The following TRIP12 variants were observed in gnomAD, a reference collection of about 807,000 sequenced individuals.
TRIP12 encodes the protein thyroid hormone receptor interactor 12.
In TRIP12, 25 loss-of-function variants were observed where a neutral mutation model predicts 244.2. The ratio of observed to expected loss-of-function variants is 0.10; its 90% CI spans 0.07 to 0.14. The LOEUF (loss-of-function observed/expected upper bound fraction) is 0.14, where lower values mean the gene tolerates loss of function less well. Among genes scored for constraint, TRIP12 ranks in the 10% least tolerant of loss-of-function variants. The pLI is 1.00. For missense variants in TRIP12, 1,677 were observed against 2,486.4 expected (o/e 0.67, Z 6.92); for synonymous variants, 905 against 873.1 (o/e 1.04, Z -0.64).
chr2:229,791,988 G>A lies in TRIP12; in HGVS notation c.4293C>T (p.Asn1431=). The change falls in exon 29 of 42, where the codon AAC becomes AAT. Residue 1431 remains asparagine (N), a synonymous_variant. Coordinates refer to ENST00000675903, the MANE Select transcript of TRIP12 (RefSeq NM_001348323.3). Reference sequence around the variant, plus strand: ...GCCGTACTGCCTGATACACAGTCATGTTATACGGCAGCAAATGTTCTCCAA... The same window carrying A: ...GCCGTACTGCCTGATACACAGTCATATTATACGGCAGCAAATGTTCTCCAA... ...FYIGEHLLPY[N]MTVYQAVRQF... The A allele has an allele frequency of 7.4e-6, 12 of 1,614,132 alleles. No individual in the cohort carries two copies. The highest frequency in any genetic ancestry group is 1.0e-5 in the Non-Finnish European group (12 of 1,180,006).
rs1287601675 is a variant in TRIP12, at chr2:229,859,003, G to T, written c.796C>A (p.Gln266Lys). The change falls in exon 4 of 42, where the codon CAA becomes AAA. Residue 266 changes from glutamine to lysine, a missense_variant. By Grantham distance (53) the Gln-to-Lys change is moderately conservative. Around this residue, in one of 11 missense-constraint regions of TRIP12, gnomAD observed 387 missense variants for 392.6 expected, o/e 0.99. Transcript: ENST00000675903. ...CTGGCCTTGTTCTGATCTTTTCCTT[G>T]TTTCACTCTGGCACCTGGTGGTACA... Reference protein sequence around the residue: ...STVPPGARVKQGKDQNKARRS... With the variant: ...STVPPGARVKKGKDQNKARRS... The T allele has an allele frequency of 4.3e-6, 7 of 1,614,038 alleles. No individual in the cohort carries two copies. Among genetic ancestry groups the T allele is most frequent in the African/African-American group, 1.3e-5 (1 of 74,906 alleles).
intron 1 of TRIP12, among the ~76,000 whole-genome samples, chr2:229,902,431 CAACA>C (rs2071222873): frequency 6.6e-6 from 1 of 152,118 alleles, no homozygotes; most frequent in South Asian, 2.1e-4. Flanking sequence ...TATGAATAGG[CAACA>C]AACCACAGCA....
At chr2:229,919,193 C>T (rs2076041979) in intron 1 of TRIP12, among the ~76,000 whole-genome samples, 1 of 152,184 alleles carries the variant, frequency 6.6e-6, no homozygotes, top group Non-Finnish European at 1.5e-5. Context: ...GCAGGCGGAT[C>T]ACCTGAGAGG....
intron 1 of TRIP12, among the ~76,000 whole-genome samples, chr2:229,903,210 G>A (rs2071580647): frequency 1.3e-5 from 2 of 152,110 alleles, no homozygotes; most frequent in African/African-American, 4.8e-5. Context: ...CAGCCATTCA[G>A]TAACCGTGAG....
At chr2:229,896,534 C>G (rs907540516) in intron 1 of TRIP12, among the ~76,000 whole-genome samples, 5 of 152,108 alleles carry the variant, frequency 3.3e-5, no homozygotes, top group African/African-American at 1.2e-4. Context: ...ATCGCTTGAA[C>G]CTGGGAGGTG....
chr2:229,777,204 T>C (rs1259972238), intron 37 of TRIP12, 111 bp downstream of exon 37: 3 of 1,240,286 alleles, frequency 2.4e-6, no homozygotes, highest in East Asian at 2.4e-5. Flanking sequence ...ATTAAAATCT[T>C]CTAAAATAAA....
chr2:229,779,557 C>T (rs998755398), intron 34 of TRIP12, among the ~76,000 whole-genome samples: 17 of 152,154 alleles, frequency 1.1e-4, no homozygotes, highest in African/African-American at 4.1e-4. Flanking sequence ...ACACAGTAGC[C>T]ATTTAATAGA....
In TRIP12 at chr2:229,859,074, G is replaced by A. The variant is rs368421747; in HGVS notation, c.725C>T (p.Ala242Val). The change falls in exon 4 of 42, where the codon GCC becomes GTC. Residue 242 changes from alanine to valine, a missense_variant. Ala to Val is a moderately conservative substitution (Grantham distance 64, BLOSUM62 0). Transcript: ENST00000675903. The part of the protein sequence containing the change: ...CSTITDSSSA[A>V]STSSSSSAVA... ...AGCAGAAGACGAGGAGGAAGTAGAGGCAGCAGAAGAAGAATCAGTGATGGT... is the reference window on the plus strand; with the variant it reads ...AGCAGAAGACGAGGAGGAAGTAGAGACAGCAGAAGAAGAATCAGTGATGGT... The A allele has an allele frequency of 6.2e-7, 1 of 1,614,232 alleles. No individual in the cohort carries two copies. The highest frequency in any genetic ancestry group is 8.5e-7 in the Non-Finnish European group (1 of 1,180,044).
At chr2:229,921,527 G>C (rs1279787569) in intron 1 of TRIP12, 1 of 144,454 alleles carries the variant, frequency 6.9e-6, no homozygotes, top group Non-Finnish European at 1.5e-5. Context: ...GGCCCCCCTT[G>C]GTCCCCGCCG....
chr2:229,793,159 G>A lies in TRIP12; in HGVS notation c.3969-14C>T. On this transcript the variant is annotated splice_polypyrimidine_tract_variant and intron_variant, in intron 26 of 41. Coordinates refer to ENST00000675903, the MANE Select transcript of TRIP12 (RefSeq NM_001348323.3). ...TTGAGAGAAAAGCTCAAGATAATTT[G>A]TGAAAAAAAAGTTAGTCTATTATTT... 1 of 1,592,224 alleles carries A rather than the reference G, an allele frequency of 6.3e-7. No individual in the cohort carries two copies. The highest frequency in any genetic ancestry group is 8.5e-7 in the Non-Finnish European group (1 of 1,171,996).
At chr2:229,922,437 C>T, upstream of TRIP12, 2 of 1,383,746 alleles carry the variant, frequency 1.4e-6, no homozygotes, top group Non-Finnish European at 2.0e-6. Flanking sequence ...TCAATTTAAA[C>T]TAGGGTTTTG....
chr2:229,851,509 A>T (rs1184574315), intron 4 of TRIP12, among the ~76,000 whole-genome samples: 1 of 152,172 alleles, frequency 6.6e-6, no homozygotes, highest in African/African-American at 2.4e-5. Flanking sequence ...AGATAAGAGA[A>T]TAAAAGCAGG....
intron 17 of TRIP12, 123 bp downstream of exon 17, chr2:229,807,583 TGA>T: frequency 8.0e-7 from 1 of 1,246,112 alleles, no homozygotes; most frequent in Non-Finnish European, 1.2e-6. Flanking sequence ...GGAGACAAAA[TGA>T]GAGAATCTTG....
chr2:229,909,501 T>G (rs2073821298), intron 1 of TRIP12, among the ~76,000 whole-genome samples: 1 of 150,652 alleles, frequency 6.6e-6, no homozygotes, highest in Non-Finnish European at 1.5e-5. Context: ...AAGGCTGCAG[T>G]GAGCAGTGAC....
intron 9 of TRIP12, among the ~76,000 whole-genome samples, chr2:229,816,255 T>C (rs1006440603): frequency 3.3e-5 from 5 of 151,426 alleles, no homozygotes; most frequent in African/African-American, 1.2e-4. Context: ...CCAGAAGTCC[T>C]AAGGACTATT....
chr2:229,793,823 C>T (rs1203342393), intron 26 of TRIP12, among the ~76,000 whole-genome samples: 1 of 151,354 alleles, frequency 6.6e-6, no homozygotes, highest in South Asian at 2.1e-4. Flanking sequence ...AACATAAATT[C>T]GTAAACTTTC....
At chr2:229,918,010 A>C (rs1322965285) in intron 1 of TRIP12, among the ~76,000 whole-genome samples, 3 of 152,164 alleles carry the variant, frequency 2.0e-5, no homozygotes, top group Non-Finnish European at 4.4e-5. Context: ...CCACATTGAC[A>C]TGAAATCATC....
intron 40 of TRIP12, 68 bp from the exon 41 acceptor site, chr2:229,768,787 C>T (rs1393274373): frequency 1.8e-5 from 25 of 1,359,448 alleles, no homozygotes; most frequent in South Asian, 6.9e-5. Flanking sequence ...CACACTGCAT[C>T]GCATCACATG....
intron 13 of TRIP12, among the ~76,000 whole-genome samples, chr2:229,812,664 G>C (rs1016122959): frequency 6.6e-6 from 1 of 151,998 alleles, no homozygotes; most frequent in Admixed American, 6.6e-5. Context: ...AAATTAGCTG[G>C]GCGTGGTGGC....
Sources: gnomAD v4.1 joint callset for allele counts (sites outside exome capture counted in the v4.1 genomes callset) on GRCh38, gnomAD v4.1.1 for gene constraint, gnomAD v4.1.1 regional missense constraint, MANE v1.5 for transcripts, NCBI Gene and HGNC (gene_info 2026-07-23, HGNC 2026-07-21) for gene names.